The following PTPN12 variants were observed in gnomAD, a reference collection of about 807,000 sequenced individuals.
PTPN12 encodes the protein tyrosine-protein phosphatase non-receptor type 12.
In PTPN12, 29 loss-of-function variants were observed where a neutral mutation model predicts 97.6. The ratio of observed to expected loss-of-function variants is 0.30; its 90% CI spans 0.22 to 0.41. The LOEUF is 0.41. Among genes scored for constraint, PTPN12 ranks in the 10% least tolerant of loss-of-function variants. PTPN12 has a pLI of 1.00. For missense variants in PTPN12, 819 were observed against 926.0 expected (o/e 0.88, Z 1.50); for synonymous variants, 327 against 300.4 (o/e 1.09, Z -0.91).
At chr7:77,628,362 C>G (rs1298265560) in intron 13 of PTPN12, among the ~76,000 whole-genome samples, 1 of 152,156 alleles carries the variant, frequency 6.6e-6, no homozygotes, top group Admixed American at 6.6e-5. Context: ...TCTTGAAACT[C>G]CTCTTTGATC....
intron 1 of PTPN12, among the ~76,000 whole-genome samples, chr7:77,546,515 CTCCT>C (rs1368226512): frequency 6.6e-6 from 1 of 152,234 alleles, no homozygotes; most frequent in Non-Finnish European, 1.5e-5. Context: ...TGACAATTAT[CTCCT>C]TCCTTCTGAA....
At chr7:77,569,563 G>T (rs556172766) in intron 1 of PTPN12, among the ~76,000 whole-genome samples, 1 of 152,228 alleles carries the variant, frequency 6.6e-6, no homozygotes, top group South Asian at 2.1e-4. Context: ...CTAAGGTCAG[G>T]AGTTCAAGAC....
At chr7:77,607,696 C>A (rs1291216244) in intron 9 of PTPN12, among the ~76,000 whole-genome samples, 1 of 151,804 alleles carries the variant, frequency 6.6e-6, no homozygotes, top group Non-Finnish European at 1.5e-5. Context: ...TGAATACTTG[C>A]ATTAGGATAT....
chr7:77,591,537 G>C (rs1193173879), intron 5 of PTPN12, among the ~76,000 whole-genome samples: 2 of 152,178 alleles, frequency 1.3e-5, no homozygotes, highest in African/African-American at 2.4e-5. Flanking sequence ...TACACTTTCT[G>C]TAATCTCTAA....
At position 77,592,136 on chromosome 7, in the gene PTPN12, A is replaced by G. The variant is rs373968072; in HGVS notation, c.421-49A>G. The G allele has an allele frequency of 3.6e-4, 534 of 1,485,670 alleles. 1 individual carries two copies. Among genetic ancestry groups the G allele is most frequent in the South Asian group, 1.7e-4 (14 of 84,292 alleles). The allele number at this position is 1,485,670 out of a possible 1,614,324, so 92.0% of individuals were successfully genotyped here. ...GGACACAAAATATTTATAACAGTTT[A>G]AGAAAAACTTACATGAATTACTTAC... On this transcript the variant is annotated intron_variant, in intron 5 of 17. Transcript: ENST00000248594.
At chr7:77,595,439 G>A (rs931671533) in intron 6 of PTPN12, among the ~76,000 whole-genome samples, 1 of 152,148 alleles carries the variant, frequency 6.6e-6, no homozygotes, top group Non-Finnish European at 1.5e-5. Flanking sequence ...GTGGTGAAAG[G>A]GTGAAGACTG....
At chr7:77,610,916 T>G (rs1161248506) in intron 10 of PTPN12, 32 bp from the exon 11 acceptor site, 1 of 1,586,214 alleles carries the variant, frequency 6.3e-7, no homozygotes, top group Non-Finnish European at 8.6e-7. Flanking sequence ...GTTGTTTTCA[T>G]TTTGTTTTTT....
chr7:77,626,186 A>T (rs1257522012), intron 12 of PTPN12, among the ~76,000 whole-genome samples: 1 of 152,224 alleles, frequency 6.6e-6, no homozygotes, highest in Non-Finnish European at 1.5e-5. Flanking sequence ...GCCATCAGAA[A>T]TCCAAGGCAG....
chr7:77,587,536 A>AGT (rs1787730920), intron 5 of PTPN12, among the ~76,000 whole-genome samples: 1 of 152,250 alleles, frequency 6.6e-6, no homozygotes, highest in African/African-American at 2.4e-5. Flanking sequence ...TATAGAGGAC[A>AGT]GACAGAGTAC....
intron 3 of PTPN12, among the ~76,000 whole-genome samples, chr7:77,582,654 C>A: frequency 6.6e-6 from 1 of 151,662 alleles, no homozygotes. Context: ...CATGGTGGTG[C>A]ATGCCTGTAA....
intron 5 of PTPN12, among the ~76,000 whole-genome samples, chr7:77,591,816 T>C (rs1787875598): frequency 6.6e-6 from 1 of 152,242 alleles, no homozygotes; most frequent in Admixed American, 6.5e-5. Flanking sequence ...GAGATTGTCA[T>C]GTTACAAGCA....
Position 77,538,192 on chromosome 7 carries a change from C to T in PTPN12, c.99+547C>T, listed in dbSNP as rs187132754. 1.2e-4 allele frequency: 79 copies of T among 674,672 alleles called. No individual in the cohort carries two copies. The African/African-American group carries it at 1.4e-3, about 12-fold the overall frequency. The allele number at this position is 674,672 out of a possible 1,614,324, so 41.8% of individuals were successfully genotyped here. On this transcript the variant is annotated intron_variant, in intron 1 of 17. Transcript: ENST00000248594. ...CTTAGGCCGTTTCTGGGGTCGCAGTCATGATCTCCAACGCTTGGGAAAGGA... is the reference window on the plus strand; with the variant it reads ...CTTAGGCCGTTTCTGGGGTCGCAGTTATGATCTCCAACGCTTGGGAAAGGA...
intron 9 of PTPN12, among the ~76,000 whole-genome samples, chr7:77,608,607 G>C (rs922119329): frequency 2.6e-5 from 4 of 152,108 alleles, no homozygotes; most frequent in Non-Finnish European, 5.9e-5. Context: ...CTTGTACAGA[G>C]TAGAATTAAT....
At chr7:77,618,671 A>T in intron 12 of PTPN12, 106 bp downstream of exon 12, 1 of 773,422 alleles carries the variant, frequency 1.3e-6, no homozygotes, top group Non-Finnish European at 2.0e-6. Context: ...TATAACTTTT[A>T]TTATTATTTT....
intron 1 of PTPN12, among the ~76,000 whole-genome samples, chr7:77,564,450 C>T (rs1808139418): frequency 6.6e-6 from 1 of 152,040 alleles, no homozygotes; most frequent in Middle Eastern, 3.4e-3. Context: ...ATTTATTTAA[C>T]AATGGTTATT....
intron 14 of PTPN12, among the ~76,000 whole-genome samples, chr7:77,633,423 C>T (rs1405991814): frequency 6.6e-6 from 1 of 151,954 alleles, no homozygotes; most frequent in East Asian, 1.9e-4. Flanking sequence ...TCCTGGCTAA[C>T]ACACTGAAAC....
chr7:77,581,476 A>G lies in PTPN12; in HGVS notation c.258A>G (p.Ser86=), dbSNP rs773704155. The G allele has an allele frequency of 1.2e-6, 2 of 1,604,372 alleles. No individual in the cohort carries two copies. The highest frequency in any genetic ancestry group is 2.2e-5 in the South Asian group (2 of 90,038). ...KLTLKTPSQD[S]DYINANFIKG... ...CATTAAAGACTCCTTCACAAGATTC[A>G]GACTATATCAATGCAAATTTTATAA... Residue 86 remains serine, a synonymous_variant, in exon 3 of 18, where the codon TCA becomes TCG. Transcript: ENST00000248594.
At chr7:77,599,071 G>A (rs1401796823) in intron 7 of PTPN12, among the ~76,000 whole-genome samples, 2 of 151,280 alleles carry the variant, frequency 1.3e-5, no homozygotes, top group African/African-American at 4.8e-5. Context: ...TGACATTTAT[G>A]CTTATCACAT....
rs114034502 is a variant in PTPN12 at position 77,587,053 on chromosome 7, C to T, written c.420+1472C>T. Among the ~76,000 whole-genome samples, 164 of 152,060 alleles carry T rather than the reference C, an allele frequency of 1.1e-3. 1 individual carries two copies. Among genetic ancestry groups the T allele is most frequent in the African/African-American group, 3.3e-3 (136 of 41,506 alleles). On this transcript the variant is annotated intron_variant, in intron 5 of 17. Coordinates refer to ENST00000248594, the MANE Select transcript of PTPN12 (RefSeq NM_002835.4). ...AAGTTATCACGAGGGTTGGAATTAA[C>T]TTTTTCCAAACTCGTGTTAATCTTG...
Sources: gnomAD v4.1 joint callset for allele counts (sites outside exome capture counted in the v4.1 genomes callset) on GRCh38, gnomAD v4.1.1 for gene constraint, MANE v1.5 for transcripts, NCBI Gene and HGNC (gene_info 2026-07-23, HGNC 2026-07-21) for gene names.